MCM8: variants seen among roughly 807,000 people sequenced by gnomAD.
The protein encoded by MCM8 is minichromosome maintenance 8 homologous recombination repair factor.
A neutral mutation model predicts 98.9 loss-of-function variants in MCM8; 85 were observed. The ratio of observed to expected loss-of-function variants is 0.86; its 90% CI spans 0.72 to 1.03. MCM8 has a LOEUF of 1.03. Ranked by LOEUF, MCM8 falls within the 50% of genes least tolerant of loss-of-function variation. MCM8 has a pLI of 0.00. For synonymous variants in MCM8, 352 were observed against 338.6 expected (o/e 1.04, Z -0.44); for missense variants, 951 against 997.8 (o/e 0.95, Z 0.63).
intron 16 of MCM8, among the ~76,000 whole-genome samples, chr20:5,987,059 T>C (rs1328254223): frequency 6.6e-6 from 1 of 152,198 alleles, no homozygotes; most frequent in African/African-American, 2.4e-5. Flanking sequence ...ACTCCTGGGC[T>C]CAAGTGATCC....
Position 5,984,939 on chromosome 20 carries a change from A to C in MCM8, c.1892A>C (p.Gln631Pro). Residue 631 changes from glutamine (Q) to proline (P), a missense_variant, in exon 15 of 19, where the codon CAA becomes CCA. Transcript: ENST00000610722. The part of the protein sequence containing the change: ...SSATVARMNS[Q>P]DSNTSVLEVV... ...GCCACAGTAGCTCGTATGAATAGTCAAGATTCAAATACTTCCGTACTTGAA... is the reference window on the plus strand; with the variant it reads ...GCCACAGTAGCTCGTATGAATAGTCCAGATTCAAATACTTCCGTACTTGAA... 6.2e-7 allele frequency: 1 copy of C among 1,614,178 alleles called. No individual in the cohort carries two copies. The highest frequency in any genetic ancestry group is 1.3e-5 in the African/African-American group (1 of 75,072).
intron 8 of MCM8, chr20:5,965,031 CT>C (rs547484298): frequency 2.6e-5 from 4 of 152,162 alleles, no homozygotes; most frequent in Non-Finnish European, 5.9e-5. Context: ...GTTCTTTTAT[CT>C]TCTAGACTTT....
At chr20:5,991,514 G>C (rs2089851802) in intron 17 of MCM8, 1 of 152,142 alleles carries the variant, frequency 6.6e-6, no homozygotes, top group African/African-American at 2.4e-5. Flanking sequence ...GTACCCACAT[G>C]ACATTACCAG....
At chr20:5,974,575 C>T (rs1228843936) in intron 12 of MCM8, among the ~76,000 whole-genome samples, 2 of 152,170 alleles carry the variant, frequency 1.3e-5, no homozygotes, top group Non-Finnish European at 2.9e-5. Context: ...ATCTTAATTA[C>T]TTTTGGAGCT....
intron 6 of MCM8, 94 bp downstream of exon 6, chr20:5,957,323 A>G (rs2089012745): frequency 3.6e-6 from 3 of 824,268 alleles, no homozygotes; most frequent in South Asian, 1.8e-5. Flanking sequence ...TGAGGAAATC[A>G]GTAAAAAGGA....
At chr20:5,969,806 T>G (rs1025505349) in intron 10 of MCM8, among the ~76,000 whole-genome samples, 2 of 152,148 alleles carry the variant, frequency 1.3e-5, no homozygotes, top group South Asian at 4.1e-4. Flanking sequence ...CTGCTCTAAC[T>G]TAGCGTTGCT....
rs763054819 is a variant in MCM8, at chr20:5,952,487, G to A, written c.212G>A (p.Arg71Gln). 5.6e-6 allele frequency: 9 copies of A among 1,613,806 alleles called. No homozygotes were observed. Among genetic ancestry groups the A allele is most frequent in the Admixed American group, 1.7e-5 (1 of 59,998 alleles). The part of the protein sequence containing the change: ...TPQSMQSTLD[R>Q]FIPYKGWKLY... ...CAGTCAATGCAGTCAACATTGGATC[G>A]ATTCATACCATATAAAGGCTGGAAG... The change falls in exon 3 of 19, where the codon CGA becomes CAA. Residue 71 changes from arginine (R) to glutamine (Q), a missense_variant. Arg to Gln is a conservative substitution (Grantham distance 43, BLOSUM62 1). Coordinates refer to ENST00000610722, the MANE Select transcript of MCM8 (RefSeq NM_032485.6).
chr20:5,982,172 C>T (rs1432348216), intron 13 of MCM8, among the ~76,000 whole-genome samples: 1 of 152,124 alleles, frequency 6.6e-6, no homozygotes, highest in Non-Finnish European at 1.5e-5. Flanking sequence ...GACTCTCTAA[C>T]ATTAGTTTAC....
intron 3 of MCM8, 136 bp from the exon 4 acceptor site, chr20:5,954,472 C>A: frequency 2.0e-6 from 1 of 510,342 alleles, no homozygotes; most frequent in South Asian, 3.4e-5. Flanking sequence ...TATACTAGTT[C>A]TTATATGAAT....
At position 5,954,645 on chromosome 20, in the gene MCM8, A is replaced by G. The variant is rs755048948; in HGVS notation, c.291A>G (p.Gln97=). 3.1e-6 allele frequency: 5 copies of G among 1,611,306 alleles called. No individual in the cohort carries two copies. The highest frequency in any genetic ancestry group is 2.2e-5 in the East Asian group (1 of 44,876). ...SDSSPLIEKI[Q]AFEKFFTRHI... is the part of the protein sequence containing the mutation. Reference sequence around the variant, plus strand: ...GCTCTCCTTTGATTGAGAAGATTCAAGCATTTGAAAAATTTTTCACAAGGC... The same window carrying G: ...GCTCTCCTTTGATTGAGAAGATTCAGGCATTTGAAAAATTTTTCACAAGGC... The change falls in exon 4 of 19, where the codon CAA becomes CAG. Residue 97 remains glutamine (Q), a synonymous_variant. Coordinates refer to ENST00000610722, the MANE Select transcript of MCM8 (RefSeq NM_032485.6).
chr20:5,952,049 C>T lies in MCM8; in HGVS notation c.34C>T (p.Arg12Ter), dbSNP rs775330933. The T allele has an allele frequency of 4.6e-5, 74 of 1,613,640 alleles. No individual in the cohort carries two copies. Among genetic ancestry groups the T allele is most frequent in the Middle Eastern group, 1.6e-4 (1 of 6,082 alleles). ...NGEYRGRGFG[R>*]GRFQSWKRGR... is the part of the protein sequence containing the mutation. ...AGAGTATAGAGGCAGAGGATTTGGA[C>T]GAGGAAGATTTCAAAGCTGGAAAAG... Residue 12 changes from arginine to a stop codon, truncating the protein, a stop_gained, in exon 2 of 19, where the codon CGA becomes TGA. Coordinates refer to ENST00000610722, the MANE Select transcript of MCM8 (RefSeq NM_032485.6). LOFTEE classifies it high-confidence loss of function.
chr20:5,987,197 A>G, intron 16 of MCM8, 85 bp from the exon 17 acceptor site: 2 of 1,352,052 alleles, frequency 1.5e-6, no homozygotes, highest in Non-Finnish European at 2.1e-6. Flanking sequence ...TTTTTGTGTA[A>G]AACAAGTAAA....
intron 8 of MCM8, chr20:5,965,650 T>G (rs1344395902): frequency 6.6e-6 from 1 of 152,212 alleles, no homozygotes; most frequent in Non-Finnish European, 1.5e-5. Context: ...AGCATCAAAT[T>G]ATCTTTTCTT....
intron 7 of MCM8, among the ~76,000 whole-genome samples, chr20:5,959,062 C>T (rs573117618): frequency 2.8e-4 from 43 of 152,250 alleles, no homozygotes; most frequent in African/African-American, 1.0e-3. Context: ...CCCTTCCATT[C>T]ATATTTCTGT....
At chr20:5,954,548 A>G in intron 3 of MCM8, 60 bp from the exon 4 acceptor site, 1 of 962,950 alleles carries the variant, frequency 1.0e-6, no homozygotes, top group Non-Finnish European at 1.7e-6. Flanking sequence ...CTTTTGTCTC[A>G]TGAAAAATGT....
rs2089003825 is a variant in MCM8 at position 5,957,067 on chromosome 20, T to A, written c.487-59T>A. On this transcript the variant is annotated intron_variant, in intron 5 of 18. Coordinates refer to ENST00000610722, the MANE Select transcript of MCM8 (RefSeq NM_032485.6). ...CTTTATATTCTCTATAAAAATAGAGTTCTGTATAAAGAGGATGTTTTGTTT... is the reference window on the plus strand; with the variant it reads ...CTTTATATTCTCTATAAAAATAGAGATCTGTATAAAGAGGATGTTTTGTTT... 4.7e-6 allele frequency: 5 copies of A among 1,074,662 alleles called. No homozygotes were observed. The South Asian group carries it at 7.6e-5, about 16-fold the overall frequency. 66.6% of individuals were successfully genotyped at this position (1,074,662 alleles called of 1,614,324 possible).
At chr20:5,954,300 T>G (rs2088913142) in intron 3 of MCM8, among the ~76,000 whole-genome samples, 1 of 152,198 alleles carries the variant, frequency 6.6e-6, no homozygotes, top group Non-Finnish European at 1.5e-5. Context: ...AATTTTTAGT[T>G]TAAGCTTATT....
At chr20:5,993,813 T>G (rs2089902326) in intron 18 of MCM8, 118 bp downstream of exon 18, 1 of 799,138 alleles carries the variant, frequency 1.3e-6, no homozygotes, top group East Asian at 2.6e-5. Flanking sequence ...CTCAAAGGTT[T>G]TCAGCATCTT....
At chr20:5,990,629 G>A (rs2089832162) in intron 17 of MCM8, among the ~76,000 whole-genome samples, 1 of 152,152 alleles carries the variant, frequency 6.6e-6, no homozygotes, top group African/African-American at 2.4e-5. Context: ...ACAAAATCTA[G>A]TTGTCTGCCT....
Sources: gnomAD v4.1 joint callset for allele counts (sites outside exome capture counted in the v4.1 genomes callset) on GRCh38, gnomAD v4.1.1 for gene constraint, MANE v1.5 for transcripts, NCBI Gene and HGNC (gene_info 2026-07-23, HGNC 2026-07-21) for gene names.